The following RBL2 variants were observed in gnomAD, a reference collection of about 807,000 sequenced individuals.
RBL2 encodes RB transcriptional corepressor like 2.
RBL2 carries 56 observed loss-of-function variants against 126.0 expected under a neutral mutation model. The ratio of observed to expected loss-of-function variants is 0.44; its 90% confidence interval spans 0.36 to 0.56. RBL2 has a LOEUF of 0.56. Among genes scored for constraint, RBL2 ranks in the 20% least tolerant of loss-of-function variants. RBL2 has a pLI of 0.00. For synonymous variants in RBL2, 454 were observed against 478.5 expected (o/e 0.95, Z 0.67); for missense variants, 1,229 against 1,398.2 (o/e 0.88, Z 1.93).
chr16:53,462,097 T>C (rs903149199), intron 10 of RBL2, among the ~76,000 whole-genome samples: 1 of 152,222 alleles, frequency 6.6e-6, no homozygotes, highest in African/African-American at 2.4e-5. Flanking sequence ...TTAGGTTTTT[T>C]TTGTAAACTG....
chr16:53,469,092 T>A (rs2150812546), intron 14 of RBL2, among the ~76,000 whole-genome samples: 1 of 152,308 alleles, frequency 6.6e-6, no homozygotes, highest in South Asian at 2.1e-4. Flanking sequence ...TAGCCATGCC[T>A]TGTGGCATAT....
At chr16:53,451,422 C>G (rs1158022783) in intron 4 of RBL2, among the ~76,000 whole-genome samples, 1 of 152,038 alleles carries the variant, frequency 6.6e-6, no homozygotes, top group African/African-American at 2.4e-5. Context: ...AGGAAGATCC[C>G]TTGAGCCCAA....
intron 19 of RBL2, chr16:53,480,338 G>C: frequency 3.6e-6 from 2 of 549,740 alleles, no homozygotes; most frequent in Non-Finnish European, 3.2e-6. Flanking sequence ...AGAAAATTTG[G>C]TGTAACTTAT....
chr16:53,486,871 G>A (rs1961197090), intron 21 of RBL2, among the ~76,000 whole-genome samples: 1 of 152,188 alleles, frequency 6.6e-6, no homozygotes, highest in Admixed American at 6.5e-5. Context: ...GGGAGGTTAT[G>A]TGATCAACAT....
chr16:53,491,305 A>C lies in RBL2; in HGVS notation c.*1005A>C, dbSNP rs1234254530. On this transcript the variant is annotated 3_prime_UTR_variant, in exon 22 of 22. Transcript: ENST00000262133. ...TGGGTGTTCCTGGCAGTTTAAAAAA[A>C]TTGGTTGGAGAATTTAGGTTTTTAT... is the stretch of plus-strand genomic sequence containing the variant. The C allele has an allele frequency of 2.0e-5, 3 of 152,190 alleles. No individual in the cohort carries two copies. Among genetic ancestry groups the C allele is most frequent in the East Asian group, 3.8e-4 (2 of 5,198 alleles). 9.4% of individuals were successfully genotyped at this position (152,190 alleles called of 1,614,324 possible).
At position 53,479,152 on chromosome 16, in the gene RBL2, A is replaced by G; in HGVS notation, c.2704-2A>G. 6.2e-7 allele frequency: 1 copy of G among 1,612,404 alleles called. No individual in the cohort carries two copies. Among genetic ancestry groups the G allele is most frequent in the Non-Finnish European group, 8.5e-7 (1 of 1,178,484 alleles). ...TCTCAGAGCACTCTTATTGTTTGCC[A>G]GGTCACAAAAGAAGATAAGTCCTTC... On this transcript the variant is annotated splice_acceptor_variant, in intron 17 of 21. Transcript: ENST00000262133. LOFTEE classifies it high-confidence loss of function.
chr16:53,469,851 T>C lies in RBL2; in HGVS notation c.1976-65T>C, dbSNP rs1337081552. 3 of 1,467,612 alleles carry C rather than the reference T, an allele frequency of 2.0e-6. No individual in the cohort carries two copies. In the Admixed American group the frequency reaches 7.3e-5, roughly 36 times the overall value. The allele number at this position is 1,467,612 out of a possible 1,614,324, so 90.9% of individuals were successfully genotyped here. On this transcript the variant is annotated intron_variant, in intron 14 of 21. Transcript: ENST00000262133. Reference sequence around the variant, plus strand: ...TGTAGTTATTTTTTAACATAAGAGCTTGGACGGAAGTCAGATCTGAGTCTC... The same window carrying C: ...TGTAGTTATTTTTTAACATAAGAGCCTGGACGGAAGTCAGATCTGAGTCTC...
At chr16:53,465,773 G>T (rs2058266736) in intron 13 of RBL2, 171 bp downstream of exon 13, 3 of 473,252 alleles carry the variant, frequency 6.3e-6, no homozygotes, top group Non-Finnish European at 1.1e-5. Context: ...TTGGGAAGGT[G>T]CCAAGAGACC....
At position 53,490,607 on chromosome 16, in the gene RBL2, A is replaced by C; in HGVS notation, c.*307A>C. On this transcript the variant is annotated 3_prime_UTR_variant, in exon 22 of 22. Transcript: ENST00000262133. ...CTGCAAGAAAATGATGTGTACCCAAACGTGAGCATAGGAGGCTTCTGTTGA... is the reference window on the plus strand; with the variant it reads ...CTGCAAGAAAATGATGTGTACCCAACCGTGAGCATAGGAGGCTTCTGTTGA... The C allele has an allele frequency of 8.7e-6, 2 of 228,988 alleles. No individual in the cohort carries two copies. Among genetic ancestry groups the C allele is most frequent in the East Asian group, 8.6e-5 (1 of 11,614 alleles). The allele number at this position is 228,988 out of a possible 1,614,324, so 14.2% of individuals were successfully genotyped here. A position where few individuals can be genotyped will look rare whatever the true frequency, so the allele number is the denominator to read the frequency against.
Position 53,434,790 on chromosome 16 carries a change from G to A in RBL2, c.234G>A (p.Thr78=), listed in dbSNP as rs1316520614. 1.3e-6 allele frequency: 2 copies of A among 1,495,156 alleles called. No homozygotes were observed. Among genetic ancestry groups the A allele is most frequent in the African/African-American group, 2.8e-5 (2 of 70,338 alleles). The allele number at this position is 1,495,156 out of a possible 1,614,324, so 92.6% of individuals were successfully genotyped here. A position where few individuals can be genotyped will look rare whatever the true frequency, so the allele number is the denominator to read the frequency against. Residue 78 remains threonine (T), a synonymous_variant, in exon 1 of 22, where the codon ACG becomes ACA. Coordinates refer to ENST00000262133, the MANE Select transcript of RBL2 (RefSeq NM_005611.4). Reference sequence around the variant, plus strand: ...ACCGCAGCATGAGCGAAAGCTACACGCTGGAGGTGCGCTCGCGGGCGGAGG... The same window carrying A: ...ACCGCAGCATGAGCGAAAGCTACACACTGGAGGTGCGCTCGCGGGCGGAGG... The part of the protein sequence containing the change: ...DSYRSMSESY[T]LEGNDLHWLA...
At chr16:53,473,651 C>T (rs968884649) in intron 17 of RBL2, among the ~76,000 whole-genome samples, 2 of 151,592 alleles carry the variant, frequency 1.3e-5, no homozygotes, top group Admixed American at 1.3e-4. Context: ...TTTTTCTTTC[C>T]TAATTATCTT....
chr16:53,442,803 A>G lies in RBL2; in HGVS notation c.517A>G (p.Ile173Val), dbSNP rs1012619438. The change falls in exon 3 of 22, where the codon ATC becomes GTC. Residue 173 changes from isoleucine (I) to valine (V), a missense_variant. Ile to Val is a conservative substitution (Grantham distance 29, BLOSUM62 3). Transcript: ENST00000262133. ...GAAATATGAACCCATTTTTCAGGAC[A>G]TCTTTAAATACCCTCAAGAGGAGCA... ...FKKYEPIFQD[I>V]FKYPQEEQPR... The G allele has an allele frequency of 3.7e-6, 6 of 1,613,654 alleles. No homozygotes were observed. Among genetic ancestry groups the G allele is most frequent in the African/African-American group, 1.3e-5 (1 of 74,928 alleles).
In RBL2 at chr16:53,434,509, G is replaced by A. The variant is rs966386403; in HGVS notation, c.-48G>A. The A allele has an allele frequency of 2.1e-5, 28 of 1,360,544 alleles. No individual in the cohort carries two copies. The highest frequency in any genetic ancestry group is 2.4e-5 in the Non-Finnish European group (25 of 1,061,898). The allele number at this position is 1,360,544 out of a possible 1,614,324, so 84.3% of individuals were successfully genotyped here. A position where few individuals can be genotyped will look rare whatever the true frequency, so the allele number is the denominator to read the frequency against. On this transcript the variant is annotated 5_prime_UTR_variant, in exon 1 of 22. Coordinates refer to ENST00000262133, the MANE Select transcript of RBL2 (RefSeq NM_005611.4). ...GCGCTTCGCCGTTTGAATGGCTGCG[G>A]GCCCGGGCCCTCACCTCACCTGAGG...
chr16:53,479,032 G>C (rs1960839192), intron 17 of RBL2, 122 bp from the exon 18 acceptor site: 1 of 740,094 alleles, frequency 1.4e-6, no homozygotes, highest in African/African-American at 1.8e-5. Flanking sequence ...ACCATTTCCA[G>C]AGACTTTAAA....
At chr16:53,463,200 A>G (rs932786168) in intron 11 of RBL2, among the ~76,000 whole-genome samples, 22 of 152,152 alleles carry the variant, frequency 1.4e-4, no homozygotes, top group Admixed American at 1.1e-3. Context: ...ATTATTGACA[A>G]TGTTGGAAAA....
At chr16:53,442,551 A>C in intron 2 of RBL2, 107 bp from the exon 3 acceptor site, 1 of 842,538 alleles carries the variant, frequency 1.2e-6, no homozygotes, top group Non-Finnish European at 1.8e-6. Flanking sequence ...CACTGTCTAA[A>C]AGTAATATAA....
At chr16:53,452,990 A>C (rs1372708339) in intron 5 of RBL2, among the ~76,000 whole-genome samples, 1 of 151,738 alleles carries the variant, frequency 6.6e-6, no homozygotes, top group Non-Finnish European at 1.5e-5. Context: ...TTTTTATTTG[A>C]TTTTTTTTCT....
At position 53,471,410 on chromosome 16, in the gene RBL2, A is replaced by G. The variant is rs192315538; in HGVS notation, c.2703+488A>G. 7.9e-5 allele frequency among the ~76,000 whole-genome samples: 12 copies of G among 152,234 alleles called. No homozygotes were observed. The East Asian group carries it at 1.5e-3, about 20-fold the overall frequency. On this transcript the variant is annotated intron_variant, in intron 17 of 21. Transcript: ENST00000262133. ...CTCCACTATCTCATTAACACTTACT[A>G]TCTTACTTTGTTTAAATAACTTATT...
At chr16:53,481,425 A>G in intron 20 of RBL2, 1 of 393,742 alleles carries the variant, frequency 2.5e-6, no homozygotes, top group Non-Finnish European at 4.5e-6. Flanking sequence ...AGTTCCTAGC[A>G]TATGGGGTTG....
Sources: gnomAD v4.1 joint callset for allele counts (sites outside exome capture counted in the v4.1 genomes callset) on GRCh38, gnomAD v4.1.1 for gene constraint, MANE v1.5 for transcripts, NCBI Gene and HGNC (gene_info 2026-07-23, HGNC 2026-07-21) for gene names.